PHACTR1: variants seen among roughly 807,000 people sequenced by gnomAD.
PHACTR1 encodes RPEL repeat containing 1.
In PHACTR1, 16 loss-of-function variants were observed where a neutral mutation model predicts 69.2. The ratio of observed to expected loss-of-function variants is 0.23; its 90% CI spans 0.16 to 0.35. PHACTR1 has a LOEUF of 0.35. Among genes scored for constraint, PHACTR1 ranks in the 10% least tolerant of loss-of-function variants. PHACTR1 has a pLI of 1.00. For missense variants in PHACTR1, 510 were observed against 734.7 expected (o/e 0.69, Z 3.54); for synonymous variants, 312 against 284.5 (o/e 1.10, Z -0.97).
intron 4 of PHACTR1, among the ~76,000 whole-genome samples, chr6:13,000,639 AGGGG>A (rs1797978158): frequency 2.3e-4 from 18 of 77,174 alleles, no homozygotes; most frequent in South Asian, 6.1e-4. Flanking sequence ...GAAGGAAGGA[AGGGG>A]GGAGGGAGGG....
chr6:12,722,991 A>G (rs2127559382), intron 3 of PHACTR1, among the ~76,000 whole-genome samples: 1 of 152,336 alleles, frequency 6.6e-6, no homozygotes, highest in African/African-American at 2.4e-5. Flanking sequence ...GTTTCTGACA[A>G]TGCTACCCCA....
chr6:12,730,817 T>C (rs1055139089), intron 3 of PHACTR1, among the ~76,000 whole-genome samples: 2 of 152,100 alleles, frequency 1.3e-5, no homozygotes, highest in African/African-American at 4.8e-5. Context: ...TGTGTTCTCA[T>C]CATTTAGCTC....
At chr6:12,819,531 T>C (rs1775971654) in intron 4 of PHACTR1, among the ~76,000 whole-genome samples, 1 of 152,148 alleles carries the variant, frequency 6.6e-6, no homozygotes, top group Admixed American at 6.5e-5. Flanking sequence ...TTATTAGTTG[T>C]GAATTTGGGC....
At chr6:13,201,153 TA>T (rs1765183494) in intron 7 of PHACTR1, among the ~76,000 whole-genome samples, 1 of 151,970 alleles carries the variant, frequency 6.6e-6, no homozygotes, top group Admixed American at 6.6e-5. Flanking sequence ...ATCCAGGAAC[TA>T]GCTGGGAAGA....
chr6:12,780,587 A>G (rs1770692595), intron 4 of PHACTR1, among the ~76,000 whole-genome samples: 1 of 152,226 alleles, frequency 6.6e-6, no homozygotes, highest in African/African-American at 2.4e-5. Context: ...ATCAAAGCCT[A>G]GTACACATCG....
intron 5 of PHACTR1, among the ~76,000 whole-genome samples, chr6:13,092,655 T>C (rs963039681): frequency 5.3e-5 from 8 of 152,200 alleles, no homozygotes; most frequent in African/African-American, 1.9e-4. Context: ...CCTGAGCTTG[T>C]TTACCTACAA....
intron 4 of PHACTR1, among the ~76,000 whole-genome samples, chr6:12,797,008 AGTGTGT>A (rs10577949): frequency 0.012 from 1,712 of 138,300 alleles, 34 homozygotes; most frequent in African/African-American, 0.041. Flanking sequence ...GAAGCCTAGG[AGTGTGT>A]GTGTGTGTGT....
chr6:13,126,904 T>G (rs1819625795), intron 5 of PHACTR1, among the ~76,000 whole-genome samples: 1 of 152,160 alleles, frequency 6.6e-6, no homozygotes, highest in Admixed American at 6.5e-5. Context: ...CTTTTCAAGT[T>G]TTTTGGCTGG....
chr6:12,959,730 G>A (rs1223569025), intron 4 of PHACTR1, among the ~76,000 whole-genome samples: 1 of 152,192 alleles, frequency 6.6e-6, no homozygotes, highest in African/African-American at 2.4e-5. Context: ...AGGCTCTTTA[G>A]TGCCTCCCAA....
At chr6:13,205,397 T>G (rs12198274) in intron 7 of PHACTR1, among the ~76,000 whole-genome samples, 31,325 of 152,170 alleles carry the variant, frequency 0.21, 4,130 homozygotes, top group Non-Finnish European at 0.29. Flanking sequence ...GACAATTATA[T>G]TTCACCATGA....
chr6:13,001,169 G>A (rs898242641), intron 4 of PHACTR1, among the ~76,000 whole-genome samples: 6 of 152,154 alleles, frequency 3.9e-5, no homozygotes, highest in African/African-American at 1.2e-4. Flanking sequence ...AAAGACAGGT[G>A]TTTAATAAAT....
intron 4 of PHACTR1, among the ~76,000 whole-genome samples, chr6:12,775,276 CT>C (rs1183389496): frequency 6.6e-6 from 1 of 152,146 alleles, no homozygotes; most frequent in Non-Finnish European, 1.5e-5. Context: ...AAAAATACCC[CT>C]AATGAAATAA....
At chr6:12,898,797 C>T (rs1582369846) in intron 4 of PHACTR1, among the ~76,000 whole-genome samples, 1 of 152,242 alleles carries the variant, frequency 6.6e-6, no homozygotes, top group Non-Finnish European at 1.5e-5. Context: ...AGCTTATGCT[C>T]TGTGAGGTTC....
At chr6:13,069,913 TG>T (rs1809255356) in intron 5 of PHACTR1, among the ~76,000 whole-genome samples, 1 of 152,194 alleles carries the variant, frequency 6.6e-6, no homozygotes, top group African/African-American at 2.4e-5. Context: ...ATGACCAAGT[TG>T]GAATTTGAAC....
At chr6:13,139,685 A>G (rs956690471) in intron 5 of PHACTR1, among the ~76,000 whole-genome samples, 2 of 152,222 alleles carry the variant, frequency 1.3e-5, no homozygotes, top group African/African-American at 4.8e-5. Context: ...TCACATAATT[A>G]AAGACTTTCA....
chr6:12,914,952 C>CG lies in PHACTR1; in HGVS notation c.251-138411dup, dbSNP rs536051914. Among the ~76,000 whole-genome samples the CG allele has an allele frequency of 1.4e-4, 21 of 152,258 alleles. No homozygotes were observed. In the South Asian group the frequency reaches 3.7e-3, roughly 27 times the overall value. On this transcript the variant is annotated intron_variant, in intron 4 of 14. Transcript: ENST00000332995. The stretch of plus-strand genomic sequence containing the variant: ...ACACCAGAGCTGATCAACAGTCACT[C>CG]GGCAGCAGGAACTGGCCCTCTGTGA...
intron 4 of PHACTR1, among the ~76,000 whole-genome samples, chr6:12,951,369 G>A (rs1791273032): frequency 6.6e-6 from 1 of 152,134 alleles, no homozygotes; most frequent in Non-Finnish European, 1.5e-5. Context: ...TATGGCCTTG[G>A]CAAAAAGATC....
chr6:12,773,487 G>A (rs560681804), intron 4 of PHACTR1, among the ~76,000 whole-genome samples: 1 of 152,104 alleles, frequency 6.6e-6, no homozygotes, highest in Non-Finnish European at 1.5e-5. Flanking sequence ...TTCCCTGAAG[G>A]TATAAGAAAT....
At chr6:12,759,122 CAAAAAAAAAA>C (rs1229879368) in intron 4 of PHACTR1, among the ~76,000 whole-genome samples, 2 of 51,484 alleles carry the variant, frequency 3.9e-5, no homozygotes, top group East Asian at 6.2e-4. Flanking sequence ...GACTCCACCT[CAAAAAAAAAA>C]AAAAAAAAAA....
Sources: gnomAD v4.1 joint callset for allele counts (sites outside exome capture counted in the v4.1 genomes callset) on GRCh38, gnomAD v4.1.1 for gene constraint, MANE v1.5 for transcripts, NCBI Gene and HGNC (gene_info 2026-07-23, HGNC 2026-07-21) for gene names.